Variants in RBFOX1 observed in about 807,000 individuals in gnomAD.
RBFOX1 encodes RNA binding fox-1 homolog 1.
A neutral mutation model predicts 57.7 loss-of-function variants in RBFOX1; 8 were observed. The ratio of observed to expected loss-of-function variants is 0.14; its 90% CI spans 0.08 to 0.25. The LOEUF is 0.25. Ranked by LOEUF, RBFOX1 falls within the 10% of genes least tolerant of loss-of-function variation. The pLI is 1.00. For missense variants in RBFOX1, 611 were observed against 548.5 expected (o/e 1.11, Z -1.14); for synonymous variants, 326 against 222.4 (o/e 1.47, Z -4.15).
At chr16:7,528,532 C>T (rs535321203) in intron 5 of RBFOX1, among the ~76,000 whole-genome samples, 3 of 152,088 alleles carry the variant, frequency 2.0e-5, no homozygotes, top group Non-Finnish European at 4.4e-5. Context: ...GGCTGGAGTG[C>T]TATGGCACCA....
At chr16:6,119,142 C>A (rs2096529581) in intron 1 of RBFOX1, among the ~76,000 whole-genome samples, 1 of 151,690 alleles carries the variant, frequency 6.6e-6, no homozygotes, top group South Asian at 2.1e-4. Context: ...AATGGCATTA[C>A]CTACACCATG....
At chr16:6,723,954 G>T (rs1000641566) in intron 3 of RBFOX1, 1 of 152,278 alleles carries the variant, frequency 6.6e-6, no homozygotes, top group East Asian at 1.9e-4. Context: ...CTCCACCTTG[G>T]CCCATTGCTG....
At chr16:6,802,780 T>C (rs2085797272) in intron 3 of RBFOX1, among the ~76,000 whole-genome samples, 1 of 152,242 alleles carries the variant, frequency 6.6e-6, no homozygotes, top group South Asian at 2.1e-4. Flanking sequence ...GATTGTTAGA[T>C]GATACTCTTG....
At chr16:5,332,012 A>C (rs943241972) in intron 1 of RBFOX1, among the ~76,000 whole-genome samples, 2 of 152,228 alleles carry the variant, frequency 1.3e-5, no homozygotes, top group Admixed American at 1.3e-4. Flanking sequence ...TGATTGTAAA[A>C]TAAAGCCTAA....
chr16:6,633,883 T>C (rs945615834), intron 2 of RBFOX1, among the ~76,000 whole-genome samples: 5 of 152,086 alleles, frequency 3.3e-5, no homozygotes, highest in African/African-American at 1.2e-4. Context: ...TGGTGGTGCA[T>C]GCCTGTAGTC....
At chr16:6,367,609 C>G (rs2152884686) in intron 2 of RBFOX1, among the ~76,000 whole-genome samples, 1 of 152,072 alleles carries the variant, frequency 6.6e-6, no homozygotes, top group South Asian at 2.1e-4. Flanking sequence ...TCAGGTAAAG[C>G]TAAAATTGTG....
chr16:7,110,956 A>G (rs1007451836), intron 4 of RBFOX1, among the ~76,000 whole-genome samples: 1 of 152,082 alleles, frequency 6.6e-6, no homozygotes, highest in African/African-American at 2.4e-5. Flanking sequence ...TCTCCCTGAA[A>G]TTGTGTATCG....
chr16:6,837,619 G>C (rs542109188), intron 3 of RBFOX1, among the ~76,000 whole-genome samples: 2 of 152,318 alleles, frequency 1.3e-5, no homozygotes, highest in South Asian at 4.1e-4. Flanking sequence ...TCTTGGGCAA[G>C]TCGCTCAATC....
At chr16:6,278,657 A>T (rs1424614288) in intron 1 of RBFOX1, among the ~76,000 whole-genome samples, 4 of 152,108 alleles carry the variant, frequency 2.6e-5, no homozygotes, top group Admixed American at 6.5e-5. Context: ...AAAAAAAGTC[A>T]TACTGTGTAC....
At chr16:7,107,037 G>C (rs910339925) in intron 4 of RBFOX1, among the ~76,000 whole-genome samples, 1 of 150,078 alleles carries the variant, frequency 6.7e-6, no homozygotes, top group African/African-American at 2.5e-5. Flanking sequence ...ATTGCAGCCT[G>C]TGGTAAGTGC....
chr16:5,916,224 C>A (rs2058700549), intron 4 of RBFOX1, among the ~76,000 whole-genome samples: 1 of 152,164 alleles, frequency 6.6e-6, no homozygotes, highest in Admixed American at 6.5e-5. Flanking sequence ...AGGATGATTT[C>A]TTCCCATCAC....
chr16:7,196,472 G>A (rs1353375752), intron 4 of RBFOX1, among the ~76,000 whole-genome samples: 2 of 152,152 alleles, frequency 1.3e-5, no homozygotes, highest in Admixed American at 6.5e-5. Flanking sequence ...GTACCCAAAG[G>A]TCCAATGGCT....
At chr16:7,281,246 G>C (rs986584470) in intron 4 of RBFOX1, among the ~76,000 whole-genome samples, 1 of 151,716 alleles carries the variant, frequency 6.6e-6, no homozygotes, top group Non-Finnish European at 1.5e-5. Flanking sequence ...TAAGTGATCT[G>C]CCTGTCCCAG....
chr16:7,512,753 G>A (rs1304788176), intron 4 of RBFOX1, among the ~76,000 whole-genome samples: 2 of 152,236 alleles, frequency 1.3e-5, no homozygotes, highest in Non-Finnish European at 2.9e-5. Context: ...ATAGCCTCAA[G>A]GCATTTCAAA....
intron 1 of RBFOX1, among the ~76,000 whole-genome samples, chr16:6,020,944 C>CCAGG (rs1207314217): frequency 6.6e-6 from 1 of 152,180 alleles, no homozygotes; most frequent in African/African-American, 2.4e-5. Flanking sequence ...TTCCTTGCTG[C>CCAGG]CAGGGAATGG....
At chr16:5,966,640 C>G (rs1314492622) in intron 4 of RBFOX1, among the ~76,000 whole-genome samples, 2 of 152,038 alleles carry the variant, frequency 1.3e-5, no homozygotes, top group African/African-American at 2.4e-5. Flanking sequence ...TTTTAGTAGA[C>G]AAGGTTTCGC....
intron 7 of RBFOX1, 109 bp from the exon 8 acceptor site, chr16:7,595,440 A>T: frequency 1.2e-6 from 1 of 816,462 alleles, no homozygotes; most frequent in Non-Finnish European, 1.9e-6. Context: ...ATGTTACAGA[A>T]CTGAAGCCAG....
In RBFOX1 at chr16:5,284,717, T is replaced by G. The variant is rs1469004846; in HGVS notation, c.219+44612T>G. 2.0e-5 allele frequency among the ~76,000 whole-genome samples: 3 copies of G among 147,426 alleles called. No homozygotes were observed. In the East Asian group the frequency reaches 6.0e-4, roughly 29 times the overall value. ...CCACTGTGCCAGGCTCCTTCATTTT[T>G]GAAGGACAGCTTTGCTGGGTATAGT... On this transcript the variant is annotated intron_variant, in intron 1 of 2. Transcript: ENST00000585867.
At chr16:6,084,707 A>G (rs1283976795) in intron 1 of RBFOX1, among the ~76,000 whole-genome samples, 2 of 152,096 alleles carry the variant, frequency 1.3e-5, no homozygotes, top group East Asian at 1.9e-4. Flanking sequence ...TGGTTAGGAG[A>G]TAAGGTCAGG....
Sources: gnomAD v4.1 joint callset for allele counts (sites outside exome capture counted in the v4.1 genomes callset) on GRCh38, gnomAD v4.1.1 for gene constraint, MANE v1.5 for transcripts, NCBI Gene and HGNC (gene_info 2026-07-23, HGNC 2026-07-21) for gene names.